The following TINAG variants were observed in gnomAD, a reference collection of about 807,000 sequenced individuals.
TINAG encodes the protein tubulointerstitial nephritis antigen.
In TINAG, 83 loss-of-function variants were observed where a neutral mutation model predicts 72.7. The ratio of observed to expected loss-of-function variants is 1.14; its 90% CI spans 0.96 to 1.37. The LOEUF is 1.37. Ranked by LOEUF, TINAG falls within the 40% of genes most tolerant of loss-of-function variation. The pLI is 0.00. For missense variants in TINAG, 685 were observed against 576.6 expected (o/e 1.19, Z -1.93); for synonymous variants, 234 against 189.9 (o/e 1.23, Z -1.91).
At chr6:54,319,398 A>G (rs1156591427) in intron 1 of TINAG, among the ~76,000 whole-genome samples, 2 of 152,168 alleles carry the variant, frequency 1.3e-5, no homozygotes, top group African/African-American at 4.8e-5. Flanking sequence ...CAGTCTTCCT[A>G]CATCTCGGGT....
chr6:54,320,455 CT>C (rs1369210141), intron 1 of TINAG, 123 bp from the exon 2 acceptor site: 25 of 686,034 alleles, frequency 3.6e-5, no homozygotes, highest in Middle Eastern at 4.1e-4. Context: ...TTTCTATCAG[CT>C]TTTTTGGCAC....
chr6:54,326,797 G>A lies in TINAG; in HGVS notation c.510-5G>A. 2 of 1,583,732 alleles carry A rather than the reference G, an allele frequency of 1.3e-6. No homozygotes were observed. The highest frequency in any genetic ancestry group is 1.7e-6 in the Non-Finnish European group (2 of 1,168,754). On this transcript the variant is annotated splice_region_variant and splice_polypyrimidine_tract_variant and intron_variant, in intron 3 of 10. Coordinates refer to ENST00000259782, the MANE Select transcript of TINAG (RefSeq NM_014464.4). The stretch of plus-strand genomic sequence containing the variant: ...TTCTATATTTTTCTCTCATTTGTAA[G>A]GCAGATGGACAGCACAGAATTACAG...
At chr6:54,368,049 G>A (rs7750323) in intron 9 of TINAG, among the ~76,000 whole-genome samples, 21,609 of 151,450 alleles carry the variant, frequency 0.14, 1,765 homozygotes, top group Non-Finnish European at 0.18. Flanking sequence ...TTTCAACATA[G>A]GAATTTTGGG....
Position 54,386,360 on chromosome 6 carries a change from G to C in TINAG, c.1297-3431G>C, listed in dbSNP as rs372497914. The stretch of plus-strand genomic sequence containing the variant: ...GTACCGAGCTGGATCCTCTGCTCAT[G>C]ATCTCACAAGGATGCCATCAAAGTG... On this transcript the variant is annotated intron_variant, in intron 10 of 10. Transcript: ENST00000259782. Among the ~76,000 whole-genome samples, 216 of 152,278 alleles carry C rather than the reference G, an allele frequency of 1.4e-3. 2 individuals are homozygous for C. Among genetic ancestry groups the C allele is most frequent in the African/African-American group, 5.0e-3 (208 of 41,544 alleles).
rs370386170 is a variant in TINAG at position 54,333,000 on chromosome 6, T to C, written c.624+6084T>C. On this transcript the variant is annotated intron_variant, in intron 4 of 10. Coordinates refer to ENST00000259782, the MANE Select transcript of TINAG (RefSeq NM_014464.4). ...TGGAGAGGATGTGGAGAAATAGGAA[T>C]GCTTTTTTTACTGGTGATGGGAGTG... is the stretch of plus-strand genomic sequence containing the variant. 7.4e-4 allele frequency among the ~76,000 whole-genome samples: 113 copies of C among 152,200 alleles called. 2 individuals carry two copies. The highest frequency in any genetic ancestry group is 2.7e-3 in the African/African-American group (111 of 41,538).
Position 54,308,670 on chromosome 6 carries a change from C to T in TINAG, c.120C>T (p.Thr40=), listed in dbSNP as rs1395203358. 7 of 1,613,732 alleles carry T rather than the reference C, an allele frequency of 4.3e-6. No individual in the cohort carries two copies. The highest frequency in any genetic ancestry group is 2.2e-5 in the East Asian group (1 of 44,872). The change falls in exon 1 of 11, where the codon ACC becomes ACT. Residue 40 remains threonine (T), a synonymous_variant. Coordinates refer to ENST00000259782, the MANE Select transcript of TINAG (RefSeq NM_014464.4). ...AGGCTTATTTCACTAGGAATCACAC[C>T]GTTTTGCAAGGTACTCGATTCAAAA... is the stretch of plus-strand genomic sequence containing the variant. The part of the protein sequence containing the change: ...DLEAYFTRNH[T]VLQGTRFKRA...
chr6:54,344,998 T>C lies in TINAG; in HGVS notation c.748+1649T>C, dbSNP rs552560627. 5.9e-5 allele frequency among the ~76,000 whole-genome samples: 9 copies of C among 152,258 alleles called. No individual in the cohort carries two copies. The South Asian group carries it at 1.9e-3, about 32-fold the overall frequency. On this transcript the variant is annotated intron_variant, in intron 5 of 10. Transcript: ENST00000259782. ...ATTGAATAAATAAGACTTAAAAATA[T>C]GCACATATATTTTAAAAACTTATGT...
At chr6:54,311,436 A>G (rs576394234) in intron 1 of TINAG, among the ~76,000 whole-genome samples, 2 of 152,310 alleles carry the variant, frequency 1.3e-5, no homozygotes, top group South Asian at 4.1e-4. Flanking sequence ...GGTCCCAGGT[A>G]TGCATTTAAT....
rs552033226 is a variant in TINAG at position 54,373,176 on chromosome 6, C to G, written c.1251-7350C>G. 2.0e-5 allele frequency among the ~76,000 whole-genome samples: 3 copies of G among 150,948 alleles called. No homozygotes were observed. In the South Asian group the frequency reaches 6.3e-4, roughly 32 times the overall value. Reference sequence around the variant, plus strand: ...TTAGAATATTGGTATAATGACCCAACTGTTTCCCCTACCTCCAACCCCACA... The same window carrying G: ...TTAGAATATTGGTATAATGACCCAAGTGTTTCCCCTACCTCCAACCCCACA... On this transcript the variant is annotated intron_variant, in intron 9 of 10. Transcript: ENST00000259782.
intron 1 of TINAG, among the ~76,000 whole-genome samples, chr6:54,310,564 C>G (rs570118932): frequency 5.8e-4 from 85 of 146,342 alleles, no homozygotes; most frequent in Non-Finnish European, 9.9e-4. Flanking sequence ...TCCTCCTTCC[C>G]TCCCTCTCTC....
chr6:54,340,540 AAAT>A (rs1195458097), intron 4 of TINAG, among the ~76,000 whole-genome samples: 5 of 152,302 alleles, frequency 3.3e-5, no homozygotes, highest in African/African-American at 1.2e-4. Flanking sequence ...AGTAATTGTG[AAAT>A]AATGAAATAT....
intron 9 of TINAG, chr6:54,367,248 T>C (rs575118386): frequency 1.9e-4 from 29 of 151,864 alleles, no homozygotes; most frequent in African/African-American, 7.0e-4. Flanking sequence ...TCTGAGTCAT[T>C]CTACTTTGAG....
intron 9 of TINAG, among the ~76,000 whole-genome samples, chr6:54,380,319 C>T (rs1175107146): frequency 1.3e-5 from 2 of 151,992 alleles, no homozygotes; most frequent in Non-Finnish European, 2.9e-5. Context: ...ATAAATGAGT[C>T]TGTTCTGTGC....
chr6:54,359,934 C>T (rs763254212), intron 9 of TINAG, among the ~76,000 whole-genome samples: 2 of 151,682 alleles, frequency 1.3e-5, no homozygotes, highest in Non-Finnish European at 2.9e-5. Context: ...TAAGAAGTAC[C>T]TAACTAATGT....
In TINAG at chr6:54,362,693, C is replaced by T. The variant is rs189353620; in HGVS notation, c.1250+8057C>T. The stretch of plus-strand genomic sequence containing the variant: ...CTATACCTGCCATAGATAATTATTT[C>T]TCTGATGGATCTTGGCAAACTCAAT... On this transcript the variant is annotated intron_variant, in intron 9 of 10. Coordinates refer to ENST00000259782, the MANE Select transcript of TINAG (RefSeq NM_014464.4). 2.5e-3 allele frequency among the ~76,000 whole-genome samples: 383 copies of T among 151,562 alleles called. 2 individuals are homozygous for T. Among genetic ancestry groups the T allele is most frequent in the Non-Finnish European group, 4.2e-3 (285 of 67,666 alleles).
rs376050758 is a variant in TINAG, at chr6:54,376,985, C to T, written c.1251-3541C>T. Reference sequence around the variant, plus strand: ...TGTGGTAGATGGGCTAAGAGCTGCCCAGATTTTTTTCAAAACCAGCATATT... The same window carrying T: ...TGTGGTAGATGGGCTAAGAGCTGCCTAGATTTTTTTCAAAACCAGCATATT... On this transcript the variant is annotated intron_variant, in intron 9 of 10. Coordinates refer to ENST00000259782, the MANE Select transcript of TINAG (RefSeq NM_014464.4). 6.6e-5 allele frequency among the ~76,000 whole-genome samples: 10 copies of T among 152,104 alleles called. No homozygotes were observed. In the East Asian group the frequency reaches 1.9e-3, roughly 29 times the overall value.
chr6:54,354,512 G>T lies in TINAG; in HGVS notation c.1127-1G>T. 1 of 1,597,226 alleles carries T rather than the reference G, an allele frequency of 6.3e-7. No individual in the cohort carries two copies. ...ATTTGTTCTGTTGGATTTTATTTTA[G>T]CCATAATGCAAGTCCGTGAAGATTT... is the stretch of plus-strand genomic sequence containing the variant. On this transcript the variant is annotated splice_acceptor_variant, in intron 8 of 10. Coordinates refer to ENST00000259782, the MANE Select transcript of TINAG (RefSeq NM_014464.4). LOFTEE classifies it high-confidence loss of function.
intron 10 of TINAG, among the ~76,000 whole-genome samples, chr6:54,387,740 A>G (rs776590856): frequency 6.6e-6 from 1 of 152,208 alleles, no homozygotes; most frequent in Non-Finnish European, 1.5e-5. Context: ...ATGAAAAGTT[A>G]AATCTTTAGA....
At chr6:54,377,066 T>G (rs1208483452) in intron 9 of TINAG, among the ~76,000 whole-genome samples, 2 of 152,020 alleles carry the variant, frequency 1.3e-5, no homozygotes, top group East Asian at 3.9e-4. Context: ...TAAAAAATAA[T>G]TGAAACAATT....
Sources: gnomAD v4.1 joint callset for allele counts (sites outside exome capture counted in the v4.1 genomes callset) on GRCh38, gnomAD v4.1.1 for gene constraint, MANE v1.5 for transcripts, NCBI Gene and HGNC (gene_info 2026-07-23, HGNC 2026-07-21) for gene names.